IDE: variants seen among roughly 807,000 people sequenced by gnomAD.
The protein encoded by IDE is insulin-degrading enzyme.
Under a neutral mutation model 133.2 loss-of-function variants are expected in IDE, and 58 were observed. The ratio of observed to expected loss-of-function variants is 0.44; its 90% CI spans 0.35 to 0.54. IDE has a LOEUF of 0.54. Ranked by LOEUF, IDE falls within the 20% of genes least tolerant of loss-of-function variation. The pLI, the probability that IDE is intolerant of heterozygous loss-of-function variation, is 0.00. For synonymous variants in IDE, 396 were observed against 421.3 expected (o/e 0.94, Z 0.73); for missense variants, 981 against 1,234.0 (o/e 0.79, Z 3.07).
At chr10:92,484,373 T>C (rs1180519329) in intron 13 of IDE, among the ~76,000 whole-genome samples, 1 of 151,130 alleles carries the variant, frequency 6.6e-6, no homozygotes, top group African/African-American at 2.4e-5. Context: ...GCCGAGATCA[T>C]GCCACTGCAC....
chr10:92,501,481 C>T (rs1245036081), intron 11 of IDE, among the ~76,000 whole-genome samples: 10 of 148,514 alleles, frequency 6.7e-5, no homozygotes, highest in Non-Finnish European at 1.2e-4. Flanking sequence ...ACCATCCTGG[C>T]CAACATGGTG....
intron 1 of IDE, among the ~76,000 whole-genome samples, chr10:92,567,414 T>C (rs1843607055): frequency 6.6e-6 from 1 of 152,172 alleles, no homozygotes; most frequent in South Asian, 2.1e-4. Flanking sequence ...TGAATCCTTC[T>C]TGCACATGTC....
chr10:92,553,849 A>G (rs1233918244), intron 1 of IDE, among the ~76,000 whole-genome samples: 1 of 152,218 alleles, frequency 6.6e-6, no homozygotes, highest in Non-Finnish European at 1.5e-5. Flanking sequence ...AAAGTCTCCT[A>G]GCAAAGAAAA....
chr10:92,504,594 A>G (rs765062314), intron 11 of IDE, among the ~76,000 whole-genome samples, 200 bp downstream of exon 11: 75 of 152,294 alleles, frequency 4.9e-4, no homozygotes, highest in East Asian at 9.6e-4. Context: ...GGGATGACTG[A>G]AGAGGGATGG....
chr10:92,555,837 A>G (rs1045754457), intron 1 of IDE, among the ~76,000 whole-genome samples: 1 of 152,190 alleles, frequency 6.6e-6, no homozygotes, highest in East Asian at 1.9e-4. Flanking sequence ...TTCTAAACAG[A>G]CCAATTAGGC....
intron 4 of IDE, among the ~76,000 whole-genome samples, chr10:92,515,709 C>T (rs1431483948): frequency 6.6e-6 from 1 of 150,462 alleles, no homozygotes; most frequent in Non-Finnish European, 1.5e-5. Context: ...TACAGGCATG[C>T]GCCACCACGC....
intron 1 of IDE, chr10:92,573,295 T>C (rs1410128420): frequency 1.9e-6 from 1 of 513,924 alleles, no homozygotes; most frequent in East Asian, 1.5e-4. Context: ...TCCGGTTGTC[T>C]CCGACGTAAA....
At position 92,524,490 on chromosome 10, in the gene IDE, T is replaced by TATA. The variant is rs140535033; in HGVS notation, c.661+7255_661+7257dup. On this transcript the variant is annotated intron_variant, in intron 4 of 24. Transcript: ENST00000265986. Reference sequence around the variant, plus strand: ...ATATAATATATAATATATATTATATTATAATATATTTTATATAATATATAA... The same window carrying TATA: ...ATATAATATATAATATATATTATATTATAATAATATATTTTATATAATATATAA... 9.5e-4 allele frequency among the ~76,000 whole-genome samples: 7 copies of TATA among 7,400 alleles called. 1 individual carries two copies. The highest frequency in any genetic ancestry group is 4.6e-3 in the African/African-American group (7 of 1,538). The allele number at this position is 7,400 out of a possible 152,430, so 4.9% of individuals were successfully genotyped here.
chr10:92,465,593 G>T (rs1845641031), intron 20 of IDE, 83 bp downstream of exon 20: 2 of 1,205,610 alleles, frequency 1.7e-6, no homozygotes, highest in Admixed American at 1.9e-5. Flanking sequence ...TACAGTGTTA[G>T]GTGAAAATGT....
In IDE at chr10:92,534,736, T is replaced by C; in HGVS notation, c.333A>G (p.Glu111=). Residue 111 remains glutamate, a synonymous_variant, in exon 3 of 25, where the codon GAA becomes GAG. Coordinates refer to ENST00000265986, the MANE Select transcript of IDE (RefSeq NM_004969.4). ...PNIAGLSHFC[E]HMLFLGTKKY... Reference sequence around the variant, plus strand: ...TCTTTGTTCCCAAAAAAAGCATATGTTCACAAAAATGACTTAAGCCAGCAA... The same window carrying C: ...TCTTTGTTCCCAAAAAAAGCATATGCTCACAAAAATGACTTAAGCCAGCAA... 6.2e-7 allele frequency: 1 copy of C among 1,613,904 alleles called. No individual in the cohort carries two copies. The highest frequency in any genetic ancestry group is 8.5e-7 in the Non-Finnish European group (1 of 1,179,952).
intron 1 of IDE, among the ~76,000 whole-genome samples, chr10:92,570,240 A>G (rs866754681): frequency 4.6e-4 from 70 of 152,250 alleles, no homozygotes; most frequent in African/African-American, 1.7e-3. Context: ...GTTGTTTTTC[A>G]AAATTAATTG....
At chr10:92,516,129 G>A (rs1359907267) in intron 4 of IDE, among the ~76,000 whole-genome samples, 26 of 147,822 alleles carry the variant, frequency 1.8e-4, no homozygotes, top group African/African-American at 3.7e-4. Context: ...AAATCACGCC[G>A]AGTCAAGATT....
chr10:92,510,072 G>C lies in IDE; in HGVS notation c.875C>G (p.Pro292Arg). 6.3e-7 allele frequency: 1 copy of C among 1,589,126 alleles called. No homozygotes were observed. The highest frequency in any genetic ancestry group is 8.6e-7 in the Non-Finnish European group (1 of 1,159,546). ...TACTTTAAGATGTTCTTCTTGGAAA[G>C]GGTGTTCAGGAAATTCTGGCAATGG... ...NVPLPEFPEH[P>R]FQEEHLKQLY... is the part of the protein sequence containing the mutation. The change falls in exon 6 of 25, where the codon CCT becomes CGT. Residue 292 changes from proline (P) to arginine (R), a missense_variant. Physicochemically the swap from Pro to Arg is moderately radical, Grantham distance 103 (BLOSUM62 -2). Coordinates refer to ENST00000265986, the MANE Select transcript of IDE (RefSeq NM_004969.4).
At chr10:92,469,920 T>C (rs985859470) in intron 18 of IDE, among the ~76,000 whole-genome samples, 5 of 152,204 alleles carry the variant, frequency 3.3e-5, no homozygotes, top group African/African-American at 9.7e-5. Context: ...GAGCCAGGAT[T>C]TGAATCCAGG....
chr10:92,457,167 G>C (rs1455283165), intron 22 of IDE, among the ~76,000 whole-genome samples: 1 of 152,122 alleles, frequency 6.6e-6, no homozygotes, highest in Non-Finnish European at 1.5e-5. Flanking sequence ...GTGATCTTTA[G>C]TGTCTACAGA....
rs1306545804 is a variant in IDE, at chr10:92,451,942, C to T, written c.*2502G>A. The T allele has an allele frequency of 6.6e-6, 1 of 152,168 alleles. No individual in the cohort carries two copies. The highest frequency in any genetic ancestry group is 2.4e-5 in the African/African-American group (1 of 41,436). 9.4% of individuals were successfully genotyped at this position (152,168 alleles called of 1,614,324 possible). Reference sequence around the variant, plus strand: ...ATTTTCATCCCTGTAAGGGCAGGAACAAATCTTTCTGGGTTTGGAGTCAGT... The same window carrying T: ...ATTTTCATCCCTGTAAGGGCAGGAATAAATCTTTCTGGGTTTGGAGTCAGT... On this transcript the variant is annotated 3_prime_UTR_variant, in exon 25 of 25. Transcript: ENST00000265986.
Position 92,504,808 on chromosome 10 carries a change from T to C in IDE, c.1416A>G (p.Arg472=), listed in dbSNP as rs766907549. Reference sequence around the variant, plus strand: ...TGGTGACTCACCGGACATTTTCTGGTCTGAGTTTATCGAGAACCATCTCTA... The same window carrying C: ...TGGTGACTCACCGGACATTTTCTGGCCTGAGTTTATCGAGAACCATCTCTA... ...DLIEMVLDKL[R]PENVRVAIVS... Residue 472 remains arginine, a synonymous_variant, in exon 11 of 25, where the codon AGA becomes AGG. Coordinates refer to ENST00000265986, the MANE Select transcript of IDE (RefSeq NM_004969.4). 11 of 1,577,172 alleles carry C rather than the reference T, an allele frequency of 7.0e-6. No individual in the cohort carries two copies. In the East Asian group the frequency reaches 2.5e-4, roughly 36 times the overall value.
At chr10:92,506,543 A>G in intron 9 of IDE, 21 bp from the exon 10 acceptor site, 1 of 1,264,240 alleles carries the variant, frequency 7.9e-7, no homozygotes, top group Non-Finnish European at 1.2e-6. Context: ...AAGTTAATCC[A>G]ATTAGATACG....
intron 11 of IDE, among the ~76,000 whole-genome samples, chr10:92,502,547 T>C (rs879217852): frequency 3.3e-5 from 5 of 152,254 alleles, no homozygotes; most frequent in Non-Finnish European, 5.9e-5. Context: ...AAGGGGAAAG[T>C]AGATTCCTTA....
Sources: allele counts gnomAD v4.1 joint callset (sites outside exome capture counted in the v4.1 genomes callset), GRCh38; gene constraint gnomAD v4.1.1; transcripts MANE v1.5; gene names NCBI Gene and HGNC (gene_info 2026-07-23, HGNC 2026-07-21).